Variants in FRMD4B observed in about 807,000 individuals in gnomAD.
FRMD4B encodes the protein FERM domain containing 4B.
FRMD4B carries 74 observed loss-of-function variants against 141.5 expected under a neutral mutation model. The ratio of observed to expected loss-of-function variants is 0.52; its 90% confidence interval spans 0.43 to 0.63. The LOEUF (loss-of-function observed/expected upper bound fraction) is 0.63, where lower values mean the gene tolerates loss of function less well. Among genes scored for constraint, FRMD4B ranks in the 30% least tolerant of loss-of-function variants. The probability of loss-of-function intolerance (pLI) is 0.00; values close to 1 mark genes in which losing one functional copy is unlikely to be tolerated. For missense variants in FRMD4B, 1,366 were observed against 1,253.4 expected (o/e 1.09, Z -1.36); for synonymous variants, 506 against 467.9 (o/e 1.08, Z -1.05).
intron 1 of FRMD4B, among the ~76,000 whole-genome samples, chr3:69,337,366 T>A (rs1245650941): frequency 3.3e-5 from 5 of 152,176 alleles, no homozygotes; most frequent in African/African-American, 1.2e-4. Context: ...GAAGAAAACC[T>A]AGACAATACC....
At chr3:69,286,451 G>C (rs552916259) in intron 5 of FRMD4B, among the ~76,000 whole-genome samples, 17 of 98,682 alleles carry the variant, frequency 1.7e-4, no homozygotes, top group Non-Finnish European at 3.2e-4. Context: ...CTTGAAGGTA[G>C]ACTTGATAAG....
At chr3:69,402,609 G>A (rs537022718) in intron 2 of FRMD4B, among the ~76,000 whole-genome samples, 4 of 152,246 alleles carry the variant, frequency 2.6e-5, no homozygotes, top group Admixed American at 6.5e-5. Flanking sequence ...GATATAGGAG[G>A]TGCGTAATTC....
chr3:69,229,010 A>T (rs2093280274), intron 7 of FRMD4B, among the ~76,000 whole-genome samples: 1 of 135,544 alleles, frequency 7.4e-6, no homozygotes, highest in African/African-American at 2.6e-5. Context: ...ATCCCTCAAA[A>T]TCATGTTTTT....
intron 1 of FRMD4B, among the ~76,000 whole-genome samples, chr3:69,540,697 G>A (rs1046107444): frequency 1.6e-5 from 2 of 122,468 alleles, no homozygotes; most frequent in Non-Finnish European, 1.6e-5. Flanking sequence ...ACACACGGCA[G>A]TTATTGTTAT....
intron 11 of FRMD4B, among the ~76,000 whole-genome samples, chr3:69,212,171 C>A (rs1273716739): frequency 1.3e-5 from 2 of 151,078 alleles, no homozygotes; most frequent in African/African-American, 4.9e-5. Context: ...ACCAGCTTGG[C>A]CAGCATGGTG....
At chr3:69,521,954 A>G (rs1427600866) in intron 1 of FRMD4B, among the ~76,000 whole-genome samples, 6 of 152,208 alleles carry the variant, frequency 3.9e-5, no homozygotes, top group Non-Finnish European at 5.9e-5. Flanking sequence ...TTCATGTTAC[A>G]TAGCAGACAT....
At chr3:69,263,396 CTTTTT>C (rs67497031) in intron 5 of FRMD4B, among the ~76,000 whole-genome samples, 98 of 72,916 alleles carry the variant, frequency 1.3e-3, no homozygotes, top group Non-Finnish European at 1.6e-3. Context: ...GTTACATGCA[CTTTTT>C]TTTTTTTTTT....
chr3:69,333,389 G>A (rs1174692907), intron 1 of FRMD4B, among the ~76,000 whole-genome samples: 7 of 152,170 alleles, frequency 4.6e-5, no homozygotes, highest in Admixed American at 2.0e-4. Context: ...GGGATGAAAC[G>A]TGGAGAAAAA....
intron 1 of FRMD4B, chr3:69,377,059 G>T (rs183067585): frequency 1.3e-5 from 2 of 152,158 alleles, no homozygotes; most frequent in Non-Finnish European, 2.9e-5. Context: ...AAAGAACCTG[G>T]GACTAATTTT....
At chr3:69,212,149 C>G (rs2093087917) in intron 11 of FRMD4B, among the ~76,000 whole-genome samples, 1 of 151,062 alleles carries the variant, frequency 6.6e-6, no homozygotes, top group Admixed American at 6.6e-5. Context: ...TGCCTGAGGT[C>G]AGGAGTTCGA....
intron 1 of FRMD4B, among the ~76,000 whole-genome samples, chr3:69,520,208 TATATATATATGATGGA>T (rs1218229970): frequency 2.8e-5 from 2 of 70,862 alleles, no homozygotes; most frequent in African/African-American, 1.9e-4. Context: ...TATGATGGAA[TATATATATATGATGGA>T]ATATATATAT....
chr3:69,208,854 T>G (rs1013768855), intron 11 of FRMD4B, among the ~76,000 whole-genome samples: 2 of 152,068 alleles, frequency 1.3e-5, no homozygotes, highest in Non-Finnish European at 2.9e-5. Context: ...TAATAGAACA[T>G]CTTGAGTTAT....
chr3:69,314,155 A>AC (rs1270258985), intron 1 of FRMD4B, among the ~76,000 whole-genome samples: 21 of 128,416 alleles, frequency 1.6e-4, no homozygotes, highest in South Asian at 1.1e-3. Flanking sequence ...AAAAAAAAAA[A>AC]AAAAAAAAAA....
Position 69,410,731 on chromosome 3 carries a change from ATATATATATATATATATATATAT to A in FRMD4B, c.-1+21880_-1+21902del, listed in dbSNP as rs1224143834. ...TATAAATAAATAAATAAATAAATATATATATATATATATATATATATATATATATATATATATATATATTTGAG... is the reference window on the plus strand; with the variant it reads ...TATAAATAAATAAATAAATAAATATAATATATATATATATATATATTTGAG... On this transcript the variant is annotated intron_variant, in intron 2 of 5. Transcript: ENST00000459638. 1.2e-3 allele frequency among the ~76,000 whole-genome samples: 99 copies of A among 81,454 alleles called. 3 individuals are homozygous for A. Among genetic ancestry groups the A allele is most frequent in the Middle Eastern group, 6.8e-3 (1 of 148 alleles). The allele number at this position is 81,454 out of a possible 152,430, so 53.4% of individuals were successfully genotyped here.
chr3:69,263,080 G>A (rs2093538379), intron 5 of FRMD4B, among the ~76,000 whole-genome samples: 1 of 151,936 alleles, frequency 6.6e-6, no homozygotes, highest in Admixed American at 6.6e-5. Context: ...CCAATATGGT[G>A]AAACCCCGTC....
intron 1 of FRMD4B, among the ~76,000 whole-genome samples, chr3:69,512,518 G>T (rs928873001): frequency 6.6e-6 from 1 of 152,152 alleles, no homozygotes; most frequent in East Asian, 1.9e-4. Context: ...AGAATCTAGG[G>T]CAGGTGGATA....
At chr3:69,280,644 G>A (rs774398144) in intron 5 of FRMD4B, among the ~76,000 whole-genome samples, 20 of 152,136 alleles carry the variant, frequency 1.3e-4, no homozygotes, top group Non-Finnish European at 2.4e-4. Context: ...AGTCCATGAC[G>A]TTAACCACCA....
At chr3:69,255,522 G>C (rs891939039) in intron 5 of FRMD4B, among the ~76,000 whole-genome samples, 3 of 152,020 alleles carry the variant, frequency 2.0e-5, no homozygotes, top group Non-Finnish European at 4.4e-5. Flanking sequence ...TCCAGCTTGG[G>C]TGACAAAGCA....
intron 1 of FRMD4B, chr3:69,323,056 T>A (rs917803031): frequency 1.4e-5 from 13 of 935,118 alleles, no homozygotes; most frequent in Non-Finnish European, 1.7e-5. Context: ...AAAAAGACAA[T>A]GAGGGAGGGA....
Sources: allele counts gnomAD v4.1 joint callset (sites outside exome capture counted in the v4.1 genomes callset), GRCh38; gene constraint gnomAD v4.1.1; transcripts MANE v1.5; gene names NCBI Gene and HGNC (gene_info 2026-07-23, HGNC 2026-07-21).